JAKMIP3: variants seen among roughly 807,000 people sequenced by gnomAD.
The protein encoded by JAKMIP3 is janus kinase and microtubule-interacting protein 3.
Under a neutral mutation model 118.5 loss-of-function variants are expected in JAKMIP3, and 58 were observed. The observed-to-expected ratio is 0.49, with a 90% CI of 0.40 to 0.61. The LOEUF (loss-of-function observed/expected upper bound fraction) is 0.61. JAKMIP3 is among the 20% of genes least tolerant of loss of function. The probability of loss-of-function intolerance (pLI) is 0.00; values close to 1 mark genes in which losing one functional copy is unlikely to be tolerated. For synonymous variants in JAKMIP3, 486 were observed against 451.2 expected (o/e 1.08, Z -0.98); for missense variants, 950 against 1,109.0 (o/e 0.86, Z 2.04).
rs560283883 is a variant in JAKMIP3 at position 132,095,284 on chromosome 10, G to T, written c.-137-9388G>T. Among the ~76,000 whole-genome samples, 31 of 152,334 alleles carry T rather than the reference G, an allele frequency of 2.0e-4. No homozygotes were observed. In the South Asian group the frequency reaches 6.4e-3, roughly 32 times the overall value. The stretch of plus-strand genomic sequence containing the variant: ...GAATTGTTACAAAGTTCAGCTGGAG[G>T]TTTCCTTCTCCCTGTGGCCTTTCCC... On this transcript the variant is annotated intron_variant, in intron 1 of 23. Transcript: ENST00000684848.
At chr10:132,127,240 T>C (rs1035728951) in intron 3 of JAKMIP3, among the ~76,000 whole-genome samples, 28 of 143,294 alleles carry the variant, frequency 2.0e-4, no homozygotes, top group East Asian at 1.3e-3. Context: ...TTTTTTTTTT[T>C]CGAGATGGTT....
intron 20 of JAKMIP3, 72 bp downstream of exon 20, chr10:132,163,484 C>T: frequency 1.5e-6 from 2 of 1,362,670 alleles, no homozygotes; most frequent in Non-Finnish European, 2.0e-6. Flanking sequence ...GGGGGGTCCT[C>T]CCACGGCCAC....
At position 132,138,167 on chromosome 10, in the gene JAKMIP3, A is replaced by T. The variant is rs1409207052; in HGVS notation, c.1333A>T (p.Lys445Ter). The T allele has an allele frequency of 4.3e-6, 7 of 1,611,018 alleles. No individual in the cohort carries two copies. The highest frequency in any genetic ancestry group is 5.9e-6 in the Non-Finnish European group (7 of 1,178,602). Residue 445 changes from lysine (K) to a stop codon, truncating the protein, a stop_gained, in exon 9 of 24, where the codon AAA becomes TAA. Transcript: ENST00000684848. LOFTEE classifies it high-confidence loss of function. Reference protein sequence around the residue: ...RFRKQRKKMAKLPKPVVVETF... With the variant: ...RFRKQRKKMA The stretch of plus-strand genomic sequence containing the variant: ...CCGGAAGCAAAGAAAGAAAATGGCA[A>T]AACTTCCCAAGGTAAGGAACAGCAC...
chr10:132,094,857 G>T (rs1049717555), intron 1 of JAKMIP3, among the ~76,000 whole-genome samples: 25 of 152,118 alleles, frequency 1.6e-4, no homozygotes, highest in African/African-American at 6.0e-4. Flanking sequence ...ATCAGGTGGG[G>T]GCGGGGCCAG....
rs769194171 is a variant in JAKMIP3, at chr10:132,139,320, ATG to A, written c.1345-1121_1345-1120del. Among the ~76,000 whole-genome samples, 80 of 57,278 alleles carry A rather than the reference ATG, an allele frequency of 1.4e-3. 8 individuals carry two copies. Among genetic ancestry groups the A allele is most frequent in the South Asian group, 4.3e-3 (8 of 1,844 alleles). 37.6% of individuals were successfully genotyped at this position (57,278 alleles called of 152,430 possible). A position where few individuals can be genotyped will look rare whatever the true frequency, so the allele number is the denominator to read the frequency against. ...TGTATGTGTGTGAGTGTGTATGTGT[ATG>A]TGTGTGTGTTTGTATGTGTGTACAT... On this transcript the variant is annotated intron_variant, in intron 9 of 23. Coordinates refer to ENST00000684848, the MANE Select transcript of JAKMIP3 (RefSeq NM_001323087.2).
intron 14 of JAKMIP3, among the ~76,000 whole-genome samples, chr10:132,148,676 C>T (rs1464916184): frequency 6.6e-6 from 1 of 152,238 alleles, no homozygotes; most frequent in Non-Finnish European, 1.5e-5. Flanking sequence ...CCATCCCTGG[C>T]CCTGTGTCCT....
intron 20 of JAKMIP3, 140 bp from the exon 21 acceptor site, chr10:132,164,530 C>T (rs2058699080): frequency 1.6e-6 from 1 of 640,190 alleles, no homozygotes; most frequent in Non-Finnish European, 2.8e-6. Context: ...AGGCTTGTGT[C>T]CTCGTCAGGA....
intron 1 of JAKMIP3, among the ~76,000 whole-genome samples, chr10:132,080,070 C>T (rs2041519272): frequency 1.3e-5 from 2 of 152,240 alleles, no homozygotes; most frequent in South Asian, 2.1e-4. Context: ...ATCCCAGCTA[C>T]TCAGGAGGCT....
chr10:132,135,183 GGC>G, intron 5 of JAKMIP3, 23 bp downstream of exon 5: 3 of 1,582,752 alleles, frequency 1.9e-6, no homozygotes, highest in Non-Finnish European at 2.6e-6. Flanking sequence ...GGGGGCTTCT[GGC>G]TCCTGGGGGT....
chr10:132,046,173 G>A (rs2037908611), intron 1 of JAKMIP3, among the ~76,000 whole-genome samples: 1 of 151,922 alleles, frequency 6.6e-6, no homozygotes, highest in African/African-American at 2.4e-5. Flanking sequence ...GCCGTCCAGG[G>A]GCCAGGTGTG....
At chr10:132,151,453 T>C (rs1309996471) in intron 16 of JAKMIP3, among the ~76,000 whole-genome samples, 1 of 151,894 alleles carries the variant, frequency 6.6e-6, no homozygotes, top group Non-Finnish European at 1.5e-5. Flanking sequence ...GCAGGGAGGC[T>C]CTGGGTGTGG....
At chr10:132,145,453 G>A (rs1266225457) in intron 12 of JAKMIP3, 65 bp from the exon 13 acceptor site, 13 of 1,420,450 alleles carry the variant, frequency 9.2e-6, no homozygotes, top group Admixed American at 4.0e-5. Context: ...GCCACATCAC[G>A]ATTTAAACGT....
rs1554963285 is a variant in JAKMIP3, at chr10:132,180,712, T to TGTGC, written c.*1104-1642_*1104-1641insCGTG. On this transcript the variant is annotated intron_variant, in intron 23 of 23. Transcript: ENST00000684848. ...GTGTGCGTGCGTGTGTGTGTGCGCG[T>TGTGC]GTGTGTGCGTGTGTGTGCGTGTGTG... is the stretch of plus-strand genomic sequence containing the variant. Among the ~76,000 whole-genome samples, 4 of 26,558 alleles carry TGTGC rather than the reference T, an allele frequency of 1.5e-4. 1 individual carries two copies. Among genetic ancestry groups the TGTGC allele is most frequent in the Non-Finnish European group, 2.3e-4 (4 of 17,668 alleles). 17.4% of individuals were successfully genotyped at this position (26,558 alleles called of 152,430 possible). A position where few individuals can be genotyped will look rare whatever the true frequency, so the allele number is the denominator to read the frequency against.
intron 1 of JAKMIP3, among the ~76,000 whole-genome samples, chr10:132,070,330 T>C (rs2039637060): frequency 1.3e-5 from 2 of 152,088 alleles, no homozygotes. Flanking sequence ...GTATTTTTAG[T>C]AGAGATGGGG....
At chr10:132,061,193 C>T (rs1342541728), upstream of JAKMIP3, among the ~76,000 whole-genome samples, 4 of 117,498 alleles carry the variant, frequency 3.4e-5, no homozygotes, top group Non-Finnish European at 7.8e-5. Flanking sequence ...GCCGTGACGG[C>T]GCACACACAC....
chr10:132,134,041 C>T lies in JAKMIP3; in HGVS notation c.849+514C>T, dbSNP rs138196303. 2.2e-4 allele frequency among the ~76,000 whole-genome samples: 33 copies of T among 152,360 alleles called. 1 individual carries two copies. The East Asian group carries it at 5.2e-3, about 24-fold the overall frequency. On this transcript the variant is annotated intron_variant, in intron 4 of 23. Transcript: ENST00000684848. ...CTTCTCATGTGATCATGCCACTCTG[C>T]GCTCCTCCCTGGGCCGCTCTGTCGT...
intron 23 of JAKMIP3, among the ~76,000 whole-genome samples, chr10:132,172,978 T>C (rs1170323370): frequency 1.4e-5 from 1 of 72,466 alleles, no homozygotes; most frequent in Admixed American, 1.7e-4. Flanking sequence ...TCTCTCTCCT[T>C]CCCTCTCTCT....
intron 1 of JAKMIP3, among the ~76,000 whole-genome samples, chr10:132,071,840 CCTTT>C (rs769979981): frequency 1.4e-5 from 2 of 143,550 alleles, no homozygotes; most frequent in Non-Finnish European, 3.0e-5. Context: ...TCTTCCCTTT[CCTTT>C]CTTTCTTTCC....
chr10:132,171,813 C>G (rs958573334), intron 23 of JAKMIP3, among the ~76,000 whole-genome samples: 6 of 152,100 alleles, frequency 3.9e-5, no homozygotes, highest in Admixed American at 2.6e-4. Flanking sequence ...CACCACCACA[C>G]TCAGCTAATT....
Sources: gnomAD v4.1 joint callset for allele counts (sites outside exome capture counted in the v4.1 genomes callset) on GRCh38, gnomAD v4.1.1 for gene constraint, MANE v1.5 for transcripts, NCBI Gene and HGNC (gene_info 2026-07-23, HGNC 2026-07-21) for gene names.